ADARB1: variants seen among roughly 807,000 people sequenced by gnomAD.
ADARB1 encodes the protein adenosine deaminase RNA specific B1, also known as double-stranded RNA-specific editase 1.
ADARB1 carries 10 observed loss-of-function variants against 52.4 expected under a neutral mutation model. The observed-to-expected ratio is 0.19, with a 90% CI of 0.12 to 0.32. ADARB1 has a LOEUF of 0.32. Among genes scored for constraint, ADARB1 ranks in the 10% least tolerant of loss-of-function variants. The pLI, the probability that ADARB1 is intolerant of heterozygous loss-of-function variation, is 1.00. For missense variants in ADARB1, 643 were observed against 922.3 expected, an observed-to-expected ratio of 0.70 and a Z score of 3.92; for synonymous variants, 349 against 371.1, an observed-to-expected ratio of 0.94 and a Z score of 0.68.
Position 45,223,819 on chromosome 21 carries a change from C to CA in ADARB1, c.*1623dup, listed in dbSNP as rs2093008324. 2 of 985,266 alleles carry CA rather than the reference C, an allele frequency of 2.0e-6. No individual in the cohort carries two copies. The highest frequency in any genetic ancestry group is 1.2e-4 in the Admixed American group (2 of 16,262). The allele number at this position is 985,266 out of a possible 1,614,324, so 61.0% of individuals were successfully genotyped here. A position where few individuals can be genotyped will look rare whatever the true frequency, so the allele number is the denominator to read the frequency against. ...GTCAGGAGCCCCATCCACGTGTGTCCACACAGATCTCGTCGCAGCACGGCA... is the reference window on the plus strand; with the variant it reads ...GTCAGGAGCCCCATCCACGTGTGTCCAACACAGATCTCGTCGCAGCACGGCA... On this transcript the variant is annotated 3_prime_UTR_variant, in exon 11 of 11. Transcript: ENST00000348831.
intron 8 of ADARB1, among the ~76,000 whole-genome samples, chr21:45,198,973 T>C (rs1204787808): frequency 6.6e-6 from 1 of 152,114 alleles, no homozygotes; most frequent in Non-Finnish European, 1.5e-5. Flanking sequence ...AAACTAACAA[T>C]ATAAAACCAT....
intron 1 of ADARB1, among the ~76,000 whole-genome samples, chr21:45,095,067 CTG>C (rs1264300045): frequency 6.6e-6 from 1 of 152,260 alleles, no homozygotes; most frequent in East Asian, 1.9e-4. Flanking sequence ...CACTAATGAT[CTG>C]TCTCTTGTTA....
Position 45,176,377 on chromosome 21 carries a change from C to G in ADARB1, c.676C>G (p.Pro226Ala). ...SLAQPPLPVL[P>A]PFPPPSGKNP... ...AGCCCAGCCTCCTCTCCCTGTCTTACCACCATTCCCACCCCCGAGTGGGAA... is the reference window on the plus strand; with the variant it reads ...AGCCCAGCCTCCTCTCCCTGTCTTAGCACCATTCCCACCCCCGAGTGGGAA... Residue 226 changes from proline to alanine, a missense_variant, in exon 4 of 11, where the codon CCA becomes GCA. Pro to Ala is a conservative substitution (Grantham distance 27, BLOSUM62 -1). Transcript: ENST00000348831. The surrounding 1 kb of genome is among the most constrained non-coding windows in gnomAD (Gnocchi z 5.8). 6.2e-7 allele frequency: 1 copy of G among 1,614,182 alleles called. No homozygotes were observed. The highest frequency in any genetic ancestry group is 8.5e-7 in the Non-Finnish European group (1 of 1,180,022).
At chr21:45,184,448 A>T (rs2092032989) in intron 7 of ADARB1, 3 of 141,688 alleles carry the variant, frequency 2.1e-5, no homozygotes, top group Non-Finnish European at 3.0e-5. Flanking sequence ...ATTTCATATA[A>T]TTTTTTTTTT....
chr21:45,168,353 G>A (rs2091338211), intron 2 of ADARB1, among the ~76,000 whole-genome samples: 1 of 152,014 alleles, frequency 6.6e-6, no homozygotes, highest in Admixed American at 6.6e-5. Flanking sequence ...TTTCTTTTGT[G>A]GATTGTGCTT....
intron 8 of ADARB1, among the ~76,000 whole-genome samples, chr21:45,196,835 A>T (rs886315062): frequency 2.0e-5 from 3 of 152,220 alleles, no homozygotes; most frequent in African/African-American, 4.8e-5. Flanking sequence ...GTTGACAGTG[A>T]TATGGAGGAA....
At chr21:45,191,121 A>G (rs1386180430) in intron 8 of ADARB1, among the ~76,000 whole-genome samples, 1 of 152,162 alleles carries the variant, frequency 6.6e-6, no homozygotes, top group African/African-American at 2.4e-5. Context: ...CTAGACTGCC[A>G]TCTTGTTGAA....
intron 2 of ADARB1, among the ~76,000 whole-genome samples, chr21:45,150,731 C>T (rs1429766029): frequency 3.3e-5 from 5 of 152,144 alleles, no homozygotes; most frequent in Non-Finnish European, 7.3e-5. Flanking sequence ...CTTTGCCTGG[C>T]GGTCGGGCCT....
chr21:45,119,145 A>G (rs1203004902), intron 1 of ADARB1, among the ~76,000 whole-genome samples: 1 of 152,194 alleles, frequency 6.6e-6, no homozygotes, highest in African/African-American at 2.4e-5. Flanking sequence ...GGTGAAGTGC[A>G]GTAGTGTGAT....
At chr21:45,170,612 A>G (rs116584074) in intron 2 of ADARB1, among the ~76,000 whole-genome samples, 2,233 of 151,866 alleles carry the variant, frequency 0.015, 54 homozygotes, top group African/African-American at 0.051. Context: ...GATATTTGAT[A>G]TAGATATATA....
At chr21:45,180,897 A>G (rs956801974) in intron 5 of ADARB1, among the ~76,000 whole-genome samples, 2 of 152,228 alleles carry the variant, frequency 1.3e-5, no homozygotes, top group African/African-American at 4.8e-5. Flanking sequence ...ATTTAGAACG[A>G]TAGAAGAAAC....
chr21:45,222,914 C>G lies in ADARB1; in HGVS notation c.*717C>G. The G allele has an allele frequency of 4.1e-6, 4 of 985,494 alleles. No homozygotes were observed. The highest frequency in any genetic ancestry group is 4.8e-6 in the Non-Finnish European group (4 of 829,958). 61.0% of individuals were successfully genotyped at this position (985,494 alleles called of 1,614,324 possible). ...AGGCGTGACCCAGGCCCCTGTAGCC[C>G]TCAGCCTCCTCTAGAAGCTTCTGTA... On this transcript the variant is annotated 3_prime_UTR_variant, in exon 11 of 11. Transcript: ENST00000348831.
chr21:45,210,077 G>A (rs1341314832), intron 9 of ADARB1, among the ~76,000 whole-genome samples: 2 of 152,206 alleles, frequency 1.3e-5, no homozygotes, highest in South Asian at 2.1e-4. Context: ...ACACGGCTCC[G>A]TCTCTTGCTC....
intron 1 of ADARB1, among the ~76,000 whole-genome samples, chr21:45,108,962 T>C (rs1016563096): frequency 6.6e-6 from 1 of 152,178 alleles, no homozygotes; most frequent in African/African-American, 2.4e-5. Context: ...CAAACACACC[T>C]GAAGGAGGTG....
chr21:45,199,401 A>C (rs568909819), intron 8 of ADARB1, among the ~76,000 whole-genome samples: 2 of 152,326 alleles, frequency 1.3e-5, no homozygotes, highest in East Asian at 3.9e-4. Context: ...ACACTCAGCC[A>C]CCTGGAAGAG....
chr21:45,189,155 G>A (rs2092207437), intron 8 of ADARB1, among the ~76,000 whole-genome samples: 1 of 152,094 alleles, frequency 6.6e-6, no homozygotes, highest in African/African-American at 2.4e-5. Flanking sequence ...TGGGATTTTG[G>A]TGGGGACATA....
At chr21:45,181,457 GCTAT>G (rs1308315391) in intron 5 of ADARB1, 1 of 152,180 alleles carries the variant, frequency 6.6e-6, no homozygotes. Context: ...TCTCCTTACT[GCTAT>G]CTTTTACATT....
intron 2 of ADARB1, among the ~76,000 whole-genome samples, chr21:45,147,821 G>A (rs1479960200): frequency 6.6e-6 from 1 of 152,104 alleles, no homozygotes; most frequent in Non-Finnish European, 1.5e-5. Flanking sequence ...GCTGCCCCCG[G>A]CACCTCTCTC....
intron 1 of ADARB1, among the ~76,000 whole-genome samples, chr21:45,113,456 T>C (rs1488178312): frequency 1.4e-5 from 2 of 147,828 alleles, no homozygotes; most frequent in African/African-American, 5.1e-5. Flanking sequence ...TATATATATA[T>C]GTGTGTGTGT....
Sources: gnomAD v4.1 joint callset for allele counts (sites outside exome capture counted in the v4.1 genomes callset) on GRCh38, gnomAD v4.1.1 for gene constraint, Gnocchi (gnomAD v3.1) non-coding constraint, MANE v1.5 for transcripts, NCBI Gene and HGNC (gene_info 2026-07-23, HGNC 2026-07-21) for gene names.